SUMF1: variants seen among roughly 807,000 people sequenced by gnomAD.
SUMF1 encodes formylglycine-generating enzyme.
In SUMF1, 48 loss-of-function variants were observed where a neutral mutation model predicts 47.6. That is an observed-to-expected ratio of 1.01 (90% CI 0.80 to 1.28). The LOEUF (loss-of-function observed/expected upper bound fraction) is 1.28, where lower values mean the gene tolerates loss of function less well. SUMF1 is among the 50% of genes most tolerant of loss of function. SUMF1 has a pLI of 0.00. For missense variants in SUMF1, 571 were observed against 485.4 expected (o/e 1.18, Z -1.66); for synonymous variants, 230 against 192.1 (o/e 1.20, Z -1.63).
At chr3:4,157,174 A>C (rs1360917218) in intron 8 of SUMF1, among the ~76,000 whole-genome samples, 1 of 151,570 alleles carries the variant, frequency 6.6e-6, no homozygotes, top group African/African-American at 2.4e-5. Context: ...GATAATTCAC[A>C]GAATAGGTTA....
chr3:4,240,500 T>C (rs985307103), intron 8 of SUMF1, among the ~76,000 whole-genome samples: 2 of 108,800 alleles, frequency 1.8e-5, no homozygotes, highest in East Asian at 2.4e-4. Flanking sequence ...TTGTTTTCAA[T>C]TGCATGCTTT....
chr3:4,320,262 T>G (rs1698800349), intron 8 of SUMF1, among the ~76,000 whole-genome samples: 1 of 152,172 alleles, frequency 6.6e-6, no homozygotes, highest in African/African-American at 2.4e-5. Flanking sequence ...AAGGTGCTGA[T>G]CTAAGTAACT....
At chr3:4,236,468 C>T (rs1304577641) in intron 8 of SUMF1, among the ~76,000 whole-genome samples, 1 of 152,052 alleles carries the variant, frequency 6.6e-6, no homozygotes, top group Non-Finnish European at 1.5e-5. Context: ...AAAAAATAGA[C>T]TTTAGCCAGG....
intron 8 of SUMF1, among the ~76,000 whole-genome samples, chr3:4,202,064 A>G (rs1188863560): frequency 1.3e-5 from 2 of 151,786 alleles, no homozygotes; most frequent in Non-Finnish European, 2.9e-5. Context: ...GTCTCTTCAC[A>G]CTGTTGATTG....
intron 8 of SUMF1, among the ~76,000 whole-genome samples, chr3:4,129,692 T>C (rs889040466): frequency 2.6e-5 from 4 of 152,128 alleles, no homozygotes; most frequent in African/African-American, 9.7e-5. Flanking sequence ...GAAAGGGAAA[T>C]AATCAGACAT....
intron 8 of SUMF1, among the ~76,000 whole-genome samples, chr3:4,335,323 C>G (rs1699124463): frequency 6.6e-6 from 1 of 152,152 alleles, no homozygotes; most frequent in African/African-American, 2.4e-5. Flanking sequence ...CACCTCATCT[C>G]TTAAAATTTA....
chr3:4,153,251 T>C (rs1694378303), intron 8 of SUMF1, among the ~76,000 whole-genome samples: 1 of 151,572 alleles, frequency 6.6e-6, no homozygotes, highest in African/African-American at 2.4e-5. Context: ...GTAACTCTGT[T>C]GCCCAGGCTG....
At chr3:4,353,409 C>A (rs11717898) in intron 8 of SUMF1, among the ~76,000 whole-genome samples, 3 of 152,066 alleles carry the variant, frequency 2.0e-5, no homozygotes, top group African/African-American at 7.2e-5. Flanking sequence ...CCCGCCACCA[C>A]GCCCGGCTAA....
intron 9 of SUMF1, among the ~76,000 whole-genome samples, chr3:4,052,987 A>G (rs986617021): frequency 6.6e-6 from 1 of 152,126 alleles, no homozygotes; most frequent in Non-Finnish European, 1.5e-5. Flanking sequence ...TGCATTCACA[A>G]CTTGGCTAAC....
At chr3:4,124,475 C>G (rs536925587) in intron 8 of SUMF1, among the ~76,000 whole-genome samples, 1 of 151,946 alleles carries the variant, frequency 6.6e-6, no homozygotes, top group African/African-American at 2.4e-5. Context: ...TGTTCTAATC[C>G]CTTCCCTGTT....
chr3:4,230,707 G>A (rs1486568435), intron 8 of SUMF1, among the ~76,000 whole-genome samples: 1 of 151,930 alleles, frequency 6.6e-6, no homozygotes, highest in African/African-American at 2.4e-5. Flanking sequence ...CCAGTGGTGG[G>A]GCCGAAATTC....
chr3:4,049,214 C>A (rs913982665), intron 9 of SUMF1, among the ~76,000 whole-genome samples: 1 of 152,176 alleles, frequency 6.6e-6, no homozygotes, highest in African/African-American at 2.4e-5. Context: ...ACTCCAGGAC[C>A]TAAGCTAACA....
chr3:4,084,289 T>C (rs1000323526), intron 8 of SUMF1, among the ~76,000 whole-genome samples: 3 of 152,208 alleles, frequency 2.0e-5, no homozygotes, highest in East Asian at 1.9e-4. Flanking sequence ...CTGGACCCAA[T>C]AGATTGACTA....
At chr3:4,301,654 G>A (rs12495799) in intron 8 of SUMF1, among the ~76,000 whole-genome samples, 1 of 152,186 alleles carries the variant, frequency 6.6e-6, no homozygotes, top group Non-Finnish European at 1.5e-5. Context: ...GTGAAGTGAA[G>A]GAATACAGAG....
At chr3:4,073,036 G>A (rs900527347) in intron 8 of SUMF1, among the ~76,000 whole-genome samples, 7 of 152,082 alleles carry the variant, frequency 4.6e-5, no homozygotes, top group African/African-American at 1.2e-4. Flanking sequence ...AAAACCATCC[G>A]ACTCACCAAG....
At position 4,361,586 on chromosome 3, in the gene SUMF1, A is replaced by T. The variant is rs1293804094; in HGVS notation, c.*558T>A. 1 of 159,302 alleles carries T rather than the reference A, an allele frequency of 6.3e-6. No homozygotes were observed. The highest frequency in any genetic ancestry group is 1.4e-5 in the Non-Finnish European group (1 of 71,676). 9.9% of individuals were successfully genotyped at this position (159,302 alleles called of 1,614,324 possible). ...AAGGAGTCACCACACCCCTCTTCCG[A>T]AAATAATACATAAGAGAACTCTTAC... On this transcript the variant is annotated 3_prime_UTR_variant, in exon 9 of 9. Coordinates refer to ENST00000272902, the MANE Select transcript of SUMF1 (RefSeq NM_182760.4).
At chr3:4,397,892 T>C (rs1190570365) in intron 7 of SUMF1, among the ~76,000 whole-genome samples, 1 of 152,168 alleles carries the variant, frequency 6.6e-6, no homozygotes, top group Non-Finnish European at 1.5e-5. Context: ...ATAATACTCA[T>C]AATTAACATA....
At chr3:4,401,485 A>G (rs1559275436) in intron 7 of SUMF1, among the ~76,000 whole-genome samples, 3 of 152,002 alleles carry the variant, frequency 2.0e-5, no homozygotes. Flanking sequence ...AGCCTCCATC[A>G]CTGCCTACTT....
At chr3:4,058,380 C>A (rs777455024) in intron 9 of SUMF1, among the ~76,000 whole-genome samples, 4 of 152,044 alleles carry the variant, frequency 2.6e-5, no homozygotes, top group Non-Finnish European at 5.9e-5. Context: ...AAATGGCCTT[C>A]GAATGCAGTA....
Sources: allele counts gnomAD v4.1 joint callset (sites outside exome capture counted in the v4.1 genomes callset), GRCh38; gene constraint gnomAD v4.1.1; transcripts MANE v1.5; gene names NCBI Gene and HGNC (gene_info 2026-07-23, HGNC 2026-07-21).